The following DRD2 variants were observed in gnomAD, a reference collection of about 807,000 sequenced individuals.
The protein encoded by DRD2 is dopamine receptor D2.
A neutral mutation model predicts 38.0 loss-of-function variants in DRD2; 8 were observed. The ratio of observed to expected loss-of-function variants is 0.21; its 90% CI spans 0.12 to 0.38. DRD2 has a LOEUF of 0.38. DRD2 is among the 10% of genes least tolerant of loss of function. The probability of loss-of-function intolerance (pLI) is 1.00; values close to 1 mark genes in which losing one functional copy is unlikely to be tolerated. For synonymous variants in DRD2, 230 were observed against 238.6 expected (o/e 0.96, Z 0.33); for missense variants, 403 against 607.7 (o/e 0.66, Z 3.54).
At chr11:113,466,167 A>C (rs1041152994) in intron 1 of DRD2, among the ~76,000 whole-genome samples, 3 of 152,188 alleles carry the variant, frequency 2.0e-5, no homozygotes, top group Admixed American at 6.5e-5. Context: ...TAACTAAATA[A>C]CTAGAGGGAC....
rs1404187027 is a variant in DRD2, at chr11:113,424,832, C to T, written c.-31-150G>A. 10 of 746,946 alleles carry T rather than the reference C, an allele frequency of 1.3e-5. No homozygotes were observed. In the South Asian group the frequency reaches 1.7e-4, roughly 13 times the overall value. 46.3% of individuals were successfully genotyped at this position (746,946 alleles called of 1,614,324 possible). A position where few individuals can be genotyped will look rare whatever the true frequency, so the allele number is the denominator to read the frequency against. On this transcript the variant is annotated intron_variant, in intron 1 of 7. Transcript: ENST00000362072. ...CTAAGAATTTTCTAAAAATGTTGGG[C>T]CTTCTGCCACTCTTTTGCTAGCAAG...
At chr11:113,418,914 G>A (rs529542187) in intron 2 of DRD2, among the ~76,000 whole-genome samples, 7 of 152,296 alleles carry the variant, frequency 4.6e-5, no homozygotes, top group East Asian at 1.9e-4. Context: ...CCCACATGGC[G>A]GGCTGAGCAT....
intron 6 of DRD2, chr11:113,413,312 C>T (rs748441359): frequency 2.0e-5 from 11 of 536,974 alleles, no homozygotes; most frequent in South Asian, 1.3e-4. Context: ...ACAAGGGGCC[C>T]AGTGCTCCCA....
intron 1 of DRD2, among the ~76,000 whole-genome samples, chr11:113,457,795 G>T (rs1024993165): frequency 1.3e-5 from 2 of 152,240 alleles, no homozygotes; most frequent in Admixed American, 1.3e-4. Flanking sequence ...CTTGATGCTT[G>T]TCCTGGTCCC....
chr11:113,441,032 AC>A (rs1334098154), intron 1 of DRD2, among the ~76,000 whole-genome samples: 1 of 152,212 alleles, frequency 6.6e-6, no homozygotes, highest in Non-Finnish European at 1.5e-5. Context: ...TCCCTGAGGC[AC>A]AGGTTGACAG....
intron 1 of DRD2, among the ~76,000 whole-genome samples, chr11:113,437,699 C>T (rs910184966): frequency 6.6e-6 from 1 of 152,072 alleles, no homozygotes; most frequent in Admixed American, 6.5e-5. Flanking sequence ...TGGGTGGAGC[C>T]GAGGAGTGTG....
At chr11:113,461,567 A>T (rs773822163) in intron 1 of DRD2, among the ~76,000 whole-genome samples, 1 of 152,214 alleles carries the variant, frequency 6.6e-6, no homozygotes, top group Non-Finnish European at 1.5e-5. Context: ...GGAGTATATA[A>T]GAGAAGAACA....
At chr11:113,465,418 GTT>G (rs1951359541) in intron 1 of DRD2, among the ~76,000 whole-genome samples, 46 of 78,332 alleles carry the variant, frequency 5.9e-4, no homozygotes, top group African/African-American at 1.3e-3. Flanking sequence ...GTTGTTGTTT[GTT>G]TGTTTGTTTG....
chr11:113,469,850 ATAAT>A (rs1466340747), intron 1 of DRD2, among the ~76,000 whole-genome samples: 2 of 151,892 alleles, frequency 1.3e-5, no homozygotes, highest in African/African-American at 4.8e-5. Context: ...AAAAATGAAA[ATAAT>A]AAATAAATAA....
chr11:113,472,590 C>G (rs1434453234), intron 1 of DRD2, among the ~76,000 whole-genome samples: 1 of 152,214 alleles, frequency 6.6e-6, no homozygotes, highest in Non-Finnish European at 1.5e-5. Flanking sequence ...CCCCTACAAG[C>G]CTCCTTGCTT....
intron 1 of DRD2, among the ~76,000 whole-genome samples, chr11:113,457,584 AC>A (rs369829236): frequency 1.1e-4 from 16 of 149,414 alleles, no homozygotes; most frequent in African/African-American, 3.9e-4. Flanking sequence ...CACCCCCCCG[AC>A]CCCCCACTAT....
chr11:113,473,068 T>C (rs1005876922), intron 1 of DRD2, among the ~76,000 whole-genome samples: 1 of 152,172 alleles, frequency 6.6e-6, no homozygotes, highest in Non-Finnish European at 1.5e-5. Flanking sequence ...ATTTTATAAA[T>C]TTCAAATGTA....
At chr11:113,450,109 C>G (rs1951196670) in intron 1 of DRD2, 1 of 154,558 alleles carries the variant, frequency 6.5e-6, no homozygotes, top group Non-Finnish European at 1.5e-5. Context: ...GAATGGGATC[C>G]TTAGTCTATT....
At chr11:113,429,019 A>G (rs898064301) in intron 1 of DRD2, among the ~76,000 whole-genome samples, 1 of 152,236 alleles carries the variant, frequency 6.6e-6, no homozygotes, top group Non-Finnish European at 1.5e-5. Flanking sequence ...TTACTTCTGC[A>G]GGGTAAGGGA....
At position 113,410,947 on chromosome 11, in the gene DRD2, G is replaced by A. The variant is rs750255887; in HGVS notation, c.1139-27C>T. 3.1e-6 allele frequency: 5 copies of A among 1,595,972 alleles called. No individual in the cohort carries two copies. The African/African-American group carries it at 6.7e-5, about 21-fold the overall frequency. On this transcript the variant is annotated intron_variant, in intron 7 of 7. Coordinates refer to ENST00000362072, the MANE Select transcript of DRD2 (RefSeq NM_000795.4). ...TGGGGGAGAGGGCATGGTCAGGCTG[G>A]TCCCCAGAGCCGGGGAGGCACGGCT...
chr11:113,423,500 T>C (rs1233734051), intron 2 of DRD2, among the ~76,000 whole-genome samples: 1 of 152,194 alleles, frequency 6.6e-6, no homozygotes, highest in African/African-American at 2.4e-5. Context: ...GGTCTTGAAC[T>C]CCTGGCCTCG....
At chr11:113,419,298 A>C (rs1950858514) in intron 2 of DRD2, among the ~76,000 whole-genome samples, 2 of 152,194 alleles carry the variant, frequency 1.3e-5, no homozygotes, top group African/African-American at 4.8e-5. Context: ...GAACGAAAGA[A>C]GGCAGATCTG....
chr11:113,444,801 GT>G (rs1200089401), intron 1 of DRD2, among the ~76,000 whole-genome samples: 1 of 152,226 alleles, frequency 6.6e-6, no homozygotes, highest in Non-Finnish European at 1.5e-5. Flanking sequence ...CTGGATAGAG[GT>G]ACTAGCTCGA....
chr11:113,464,569 C>A (rs1951351036), intron 1 of DRD2, among the ~76,000 whole-genome samples: 1 of 152,204 alleles, frequency 6.6e-6, no homozygotes, highest in Non-Finnish European at 1.5e-5. Flanking sequence ...GATGCCTGGC[C>A]TCCTACTCCC....
Sources: allele counts gnomAD v4.1 joint callset (sites outside exome capture counted in the v4.1 genomes callset), GRCh38; gene constraint gnomAD v4.1.1; transcripts MANE v1.5; gene names NCBI Gene and HGNC (gene_info 2026-07-23, HGNC 2026-07-21).